Variants in PIP4K2A observed in about 807,000 individuals in gnomAD.
PIP4K2A encodes phosphatidylinositol 5-phosphate 4-kinase type-2 alpha.
In PIP4K2A, 14 loss-of-function variants were observed where a neutral mutation model predicts 42.9. The ratio of observed to expected loss-of-function variants is 0.33; its 90% CI spans 0.22 to 0.51. PIP4K2A has a LOEUF of 0.51. Ranked by LOEUF, PIP4K2A falls within the 20% of genes least tolerant of loss-of-function variation. PIP4K2A has a pLI of 0.97. For synonymous variants in PIP4K2A, 192 were observed against 192.2 expected, an observed-to-expected ratio of 1.00 and a Z score of 0.01; for missense variants, 434 against 519.8, an observed-to-expected ratio of 0.83 and a Z score of 1.61.
intron 1 of PIP4K2A, among the ~76,000 whole-genome samples, chr10:22,633,040 C>T (rs1838582275): frequency 6.6e-6 from 1 of 152,156 alleles, no homozygotes; most frequent in Non-Finnish European, 1.5e-5. Flanking sequence ...ACCCCAATAG[C>T]CTCCCATGTA....
intron 1 of PIP4K2A, among the ~76,000 whole-genome samples, chr10:22,633,037 T>C (rs375026364): frequency 1.3e-5 from 2 of 152,188 alleles, no homozygotes; most frequent in African/African-American, 2.4e-5. Flanking sequence ...ACCACCCCAA[T>C]AGCCTCCCAT....
intron 7 of PIP4K2A, among the ~76,000 whole-genome samples, chr10:22,543,000 CAG>C (rs1477655614): frequency 9.2e-5 from 14 of 152,198 alleles, no homozygotes; most frequent in Admixed American, 9.2e-4. Flanking sequence ...CTGGGGAATG[CAG>C]AGTGGCTGAG....
intron 1 of PIP4K2A, among the ~76,000 whole-genome samples, chr10:22,670,273 G>A (rs575404588): frequency 6.6e-6 from 1 of 152,248 alleles, no homozygotes; most frequent in East Asian, 1.9e-4. Flanking sequence ...CACCTACTTG[G>A]GAGGCTGAGG....
chr10:22,650,893 A>G (rs967548615), intron 1 of PIP4K2A, among the ~76,000 whole-genome samples: 2 of 151,186 alleles, frequency 1.3e-5, no homozygotes, highest in Non-Finnish European at 2.9e-5. Context: ...GCCTGCTTCT[A>G]CATGTCCAAG....
chr10:22,618,970 T>C (rs1838250438), intron 1 of PIP4K2A, among the ~76,000 whole-genome samples: 1 of 152,350 alleles, frequency 6.6e-6, no homozygotes, highest in Middle Eastern at 3.4e-3. Flanking sequence ...AATTTTTTCT[T>C]ACTTTTTTCT....
intron 3 of PIP4K2A, among the ~76,000 whole-genome samples, chr10:22,601,463 CA>C (rs957919403): frequency 1.3e-5 from 2 of 152,298 alleles, no homozygotes; most frequent in Admixed American, 6.5e-5. Flanking sequence ...AGAGGCTGTC[CA>C]ATCAGAGAGG....
intron 1 of PIP4K2A, among the ~76,000 whole-genome samples, chr10:22,651,032 C>A (rs1182326405): frequency 2.0e-5 from 3 of 152,202 alleles, no homozygotes; most frequent in African/African-American, 7.2e-5. Context: ...TCTCTGAGCT[C>A]CAGACTTCCA....
At chr10:22,542,189 C>G (rs1246368630) in intron 7 of PIP4K2A, 142 bp from the exon 8 acceptor site, 3 of 656,434 alleles carry the variant, frequency 4.6e-6, no homozygotes, top group Non-Finnish European at 7.9e-6. Context: ...TCACGATGCT[C>G]TTACACTCCT....
intron 7 of PIP4K2A, among the ~76,000 whole-genome samples, chr10:22,548,667 G>A (rs1216194016): frequency 3.9e-5 from 6 of 152,288 alleles, no homozygotes; most frequent in South Asian, 4.2e-4. Flanking sequence ...CACAACTGAG[G>A]AAAACTAAAC....
chr10:22,664,182 C>CGTATATATATACAT, intron 1 of PIP4K2A, among the ~76,000 whole-genome samples: 1 of 43,508 alleles, frequency 2.3e-5, no homozygotes, highest in East Asian at 4.6e-4. Context: ...TATATATATA[C>CGTATATATATACAT]ATATATATAC....
chr10:22,579,213 C>G (rs1564428649), intron 4 of PIP4K2A, among the ~76,000 whole-genome samples: 2 of 152,264 alleles, frequency 1.3e-5, no homozygotes, highest in African/African-American at 2.4e-5. Flanking sequence ...CACAGTTTAT[C>G]TGTTCTGGGA....
chr10:22,635,715 C>T (rs112409948), intron 1 of PIP4K2A, among the ~76,000 whole-genome samples: 2,366 of 152,200 alleles, frequency 0.016, 66 homozygotes, highest in African/African-American at 0.053. Context: ...GGTTCTATGA[C>T]GAGGACCCTC....
chr10:22,684,322 C>T lies in PIP4K2A; in HGVS notation c.144+29861G>A, dbSNP rs150895205. Reference sequence around the variant, plus strand: ...TGGTACTAACAGTTAATACTAGGTACGCTTTGTCTGAATCCCTTATTTTTT... The same window carrying T: ...TGGTACTAACAGTTAATACTAGGTATGCTTTGTCTGAATCCCTTATTTTTT... On this transcript the variant is annotated intron_variant, in intron 1 of 9. Transcript: ENST00000376573. 9.2e-5 allele frequency among the ~76,000 whole-genome samples: 14 copies of T among 152,192 alleles called. No individual in the cohort carries two copies. In the South Asian group the frequency reaches 2.1e-3, roughly 23 times the overall value.
chr10:22,567,845 A>C lies in PIP4K2A; in HGVS notation c.678+6T>G. On this transcript the variant is annotated splice_donor_region_variant and intron_variant, in intron 6 of 9. Transcript: ENST00000376573. ...GACATGGGGAGACATACAGCAAGGT[A>C]CTTACCTTTTCTTTGTCACTAGCTT... 6.2e-7 allele frequency: 1 copy of C among 1,611,868 alleles called. No homozygotes were observed. Among genetic ancestry groups the C allele is most frequent in the Non-Finnish European group, 8.5e-7 (1 of 1,177,896 alleles).
chr10:22,618,665 A>G (rs1813864574), intron 1 of PIP4K2A, among the ~76,000 whole-genome samples: 1 of 152,178 alleles, frequency 6.6e-6, no homozygotes, highest in South Asian at 2.1e-4. Context: ...CTATCTGCAC[A>G]CAATTTATTT....
chr10:22,681,806 G>T (rs370356098), intron 1 of PIP4K2A, among the ~76,000 whole-genome samples: 1 of 152,068 alleles, frequency 6.6e-6, no homozygotes, highest in African/African-American at 2.4e-5. Flanking sequence ...TCCCTGCAAG[G>T]GTTAGACAGT....
intron 1 of PIP4K2A, among the ~76,000 whole-genome samples, chr10:22,680,450 T>C (rs925528561): frequency 3.9e-5 from 6 of 152,224 alleles, no homozygotes; most frequent in Non-Finnish European, 8.8e-5. Flanking sequence ...TAGCATTTAA[T>C]GTCTTAGATG....
intron 3 of PIP4K2A, among the ~76,000 whole-genome samples, chr10:22,593,765 G>A (rs1268484743): frequency 6.6e-6 from 1 of 152,176 alleles, no homozygotes; most frequent in East Asian, 1.9e-4. Flanking sequence ...AATCAAAGTG[G>A]GAACAATCAA....
chr10:22,561,568 T>C (rs1836700296), intron 6 of PIP4K2A, among the ~76,000 whole-genome samples: 1 of 113,058 alleles, frequency 8.8e-6, no homozygotes, highest in South Asian at 2.5e-4. Flanking sequence ...CTACGCAGTT[T>C]TTTTTTTTTT....
Sources: gnomAD v4.1 joint callset for allele counts (sites outside exome capture counted in the v4.1 genomes callset) on GRCh38, gnomAD v4.1.1 for gene constraint, MANE v1.5 for transcripts, NCBI Gene and HGNC (gene_info 2026-07-23, HGNC 2026-07-21) for gene names.